Variants in HSPA4 observed in about 807,000 individuals in gnomAD.
The protein encoded by HSPA4 is heat shock 70 kDa protein 4.
In HSPA4, 25 loss-of-function variants were observed where a neutral mutation model predicts 106.2. The observed-to-expected ratio is 0.24, with a 90% CI of 0.17 to 0.33. The LOEUF (loss-of-function observed/expected upper bound fraction) is 0.33, where lower values mean the gene tolerates loss of function less well. Among genes scored for constraint, HSPA4 ranks in the 10% least tolerant of loss-of-function variants. The pLI, the probability that HSPA4 is intolerant of heterozygous loss-of-function variation, is 1.00. For synonymous variants in HSPA4, 332 were observed against 333.6 expected, an observed-to-expected ratio of 1.00 and a Z score of 0.05; for missense variants, 841 against 996.0, an observed-to-expected ratio of 0.84 and a Z score of 2.10.
chr5:133,089,723 G>C, intron 11 of HSPA4, 28 bp downstream of exon 11: 49 of 1,029,534 alleles, frequency 4.8e-5, no homozygotes, highest in South Asian at 5.7e-5. Context: ...AATTAAAAAA[G>C]AAAAAAAAAA....
rs1311658245 is a variant in HSPA4 at position 133,106,157 on chromosome 5, TGTGTGGGGAAGG to T, written c.*1729_*1740del. On this transcript the variant is annotated 3_prime_UTR_variant, in exon 19 of 19. Coordinates refer to ENST00000304858, the MANE Select transcript of HSPA4 (RefSeq NM_002154.4). ...TTTTTTTTTGGTGTGTGTGTGTGTG[TGTGTGGGGAAGG>T]GTGTGGGTGCTGGGATGGGGGTGAA... 2.0e-5 allele frequency: 2 copies of T among 100,526 alleles called. No homozygotes were observed. The highest frequency in any genetic ancestry group is 8.0e-5 in the African/African-American group (2 of 24,968). 6.2% of individuals were successfully genotyped at this position (100,526 alleles called of 1,614,324 possible).
At chr5:133,068,544 A>G (rs1223371046) in intron 3 of HSPA4, among the ~76,000 whole-genome samples, 1 of 152,194 alleles carries the variant, frequency 6.6e-6, no homozygotes, top group Non-Finnish European at 1.5e-5. Context: ...GTTGAGAACC[A>G]TGAGAAAAAG....
At chr5:133,095,950 C>T in intron 13 of HSPA4, 148 bp from the exon 14 acceptor site, 2 of 564,046 alleles carry the variant, frequency 3.5e-6, no homozygotes, top group Non-Finnish European at 3.0e-6. Context: ...TTTTTATTTT[C>T]TAGATGTTAT....
intron 1 of HSPA4, among the ~76,000 whole-genome samples, chr5:133,057,599 CAG>C: frequency 6.6e-6 from 1 of 152,288 alleles, no homozygotes; most frequent in South Asian, 2.1e-4. Context: ...AATATCCTCT[CAG>C]AATGTGCATA....
intron 3 of HSPA4, among the ~76,000 whole-genome samples, chr5:133,068,968 C>T (rs1581468275): frequency 1.3e-5 from 2 of 152,152 alleles, no homozygotes; most frequent in Admixed American, 6.5e-5. Context: ...CCATCTTTAT[C>T]ATGCAATAAA....
At chr5:133,059,247 A>C (rs1202858992) in intron 1 of HSPA4, among the ~76,000 whole-genome samples, 2 of 151,920 alleles carry the variant, frequency 1.3e-5, no homozygotes, top group African/African-American at 4.8e-5. Context: ...CAGGAGTTTG[A>C]GACCAGCCTG....
chr5:133,067,007 C>T (rs1305947617), intron 2 of HSPA4, among the ~76,000 whole-genome samples: 4 of 152,230 alleles, frequency 2.6e-5, no homozygotes, highest in South Asian at 2.1e-4. Context: ...CCATGACACC[C>T]GGCCTTAACT....
chr5:133,075,900 T>C (rs1409780160), intron 6 of HSPA4: 1 of 152,212 alleles, frequency 6.6e-6, no homozygotes, highest in Non-Finnish European at 1.5e-5. Flanking sequence ...ATGTATTTCA[T>C]TCTAATTTTC....
chr5:133,103,519 A>C (rs1363224673), intron 17 of HSPA4, among the ~76,000 whole-genome samples: 1 of 152,088 alleles, frequency 6.6e-6, no homozygotes, highest in Non-Finnish European at 1.5e-5. Context: ...TTGGTTCCGA[A>C]CTAGCATGCT....
chr5:133,103,438 G>T (rs1386772057), intron 17 of HSPA4, among the ~76,000 whole-genome samples: 2 of 151,058 alleles, frequency 1.3e-5, no homozygotes, highest in Non-Finnish European at 3.0e-5. Context: ...GTGTGATCTC[G>T]GCTCACTGCA....
chr5:133,096,840 C>T (rs1205311322), intron 14 of HSPA4, among the ~76,000 whole-genome samples: 2 of 152,156 alleles, frequency 1.3e-5, no homozygotes, highest in Non-Finnish European at 2.9e-5. Context: ...TTTCTTATCT[C>T]ATATTAATAC....
chr5:133,097,860 T>C (rs1166764473), intron 15 of HSPA4, among the ~76,000 whole-genome samples: 2 of 152,026 alleles, frequency 1.3e-5, no homozygotes, highest in Admixed American at 1.3e-4. Context: ...GTATTTTTCT[T>C]TAAATTGTTA....
At chr5:133,056,560 C>T (rs1420322754) in intron 1 of HSPA4, among the ~76,000 whole-genome samples, 1 of 152,210 alleles carries the variant, frequency 6.6e-6, no homozygotes, top group Non-Finnish European at 1.5e-5. Flanking sequence ...CGTGAGCCAC[C>T]GCGCCCGGCC....
intron 11 of HSPA4, among the ~76,000 whole-genome samples, chr5:133,090,681 ATTC>A (rs1008436347): frequency 6.6e-6 from 1 of 152,252 alleles, no homozygotes; most frequent in Non-Finnish European, 1.5e-5. Flanking sequence ...AAGTTAACCT[ATTC>A]TTTTTTCCCC....
chr5:133,083,373 T>G (rs1765538458), intron 7 of HSPA4, among the ~76,000 whole-genome samples: 1 of 152,148 alleles, frequency 6.6e-6, no homozygotes, highest in Admixed American at 6.5e-5. Context: ...CCTTTGCTTT[T>G]CACAATTTTG....
At chr5:133,089,904 G>T (rs375618572) in intron 11 of HSPA4, among the ~76,000 whole-genome samples, 11 of 152,036 alleles carry the variant, frequency 7.2e-5, no homozygotes, top group Admixed American at 2.0e-4. Flanking sequence ...ATAGTAGAAA[G>T]AACAAGTATG....
At chr5:133,092,878 T>G in intron 13 of HSPA4, 89 bp downstream of exon 13, 1 of 751,912 alleles carries the variant, frequency 1.3e-6, no homozygotes. Flanking sequence ...TGGAGTGCAG[T>G]GACATGATCT....
At chr5:133,090,430 CAAAAAAAAAA>C (rs56263518) in intron 11 of HSPA4, among the ~76,000 whole-genome samples, 13 of 54,892 alleles carry the variant, frequency 2.4e-4, no homozygotes, top group Non-Finnish European at 3.4e-4. Context: ...GACTCTGTCT[CAAAAAAAAAA>C]AAAAAAAAAA....
At chr5:133,081,862 C>CA (rs889459136) in intron 7 of HSPA4, among the ~76,000 whole-genome samples, 3 of 152,020 alleles carry the variant, frequency 2.0e-5, no homozygotes, top group African/African-American at 7.3e-5. Context: ...GAAAGCCTCT[C>CA]AAAAACAAAA....
Sources: allele counts gnomAD v4.1 joint callset (sites outside exome capture counted in the v4.1 genomes callset), GRCh38; gene constraint gnomAD v4.1.1; transcripts MANE v1.5; gene names NCBI Gene and HGNC (gene_info 2026-07-23, HGNC 2026-07-21).